The following CEP126 variants were observed in gnomAD, a reference collection of about 807,000 sequenced individuals.
The protein encoded by CEP126 is centrosomal protein 126.
Under a neutral mutation model 107.8 loss-of-function variants are expected in CEP126, and 74 were observed. The ratio of observed to expected loss-of-function variants is 0.69; its 90% CI spans 0.57 to 0.83. The LOEUF (loss-of-function observed/expected upper bound fraction) is 0.83. Ranked by LOEUF, CEP126 falls within the 40% of genes least tolerant of loss-of-function variation. The pLI is 0.00. For missense variants in CEP126, 1,237 were observed against 1,281.9 expected (o/e 0.96, Z 0.53); for synonymous variants, 449 against 446.0 (o/e 1.01, Z -0.08).
intron 6 of CEP126, among the ~76,000 whole-genome samples, chr11:101,975,814 A>C (rs1479163455): frequency 6.6e-6 from 1 of 152,026 alleles, no homozygotes; most frequent in Non-Finnish European, 1.5e-5. Flanking sequence ...TTTAGCTCCC[A>C]CTTATAAGTG....
intron 6 of CEP126, among the ~76,000 whole-genome samples, chr11:101,977,298 T>C (rs1246590915): frequency 6.6e-6 from 1 of 152,032 alleles, no homozygotes. Context: ...ATTATTTTGA[T>C]CTGTGATTTT....
chr11:101,957,099 C>A (rs1308456494), intron 4 of CEP126, among the ~76,000 whole-genome samples: 1 of 152,142 alleles, frequency 6.6e-6, no homozygotes, highest in Non-Finnish European at 1.5e-5. Context: ...TAAATACCTT[C>A]TTGCTCTCCC....
At chr11:101,946,667 C>T (rs1023100275) in intron 3 of CEP126, among the ~76,000 whole-genome samples, 5 of 152,002 alleles carry the variant, frequency 3.3e-5, no homozygotes, top group African/African-American at 1.2e-4. Flanking sequence ...CGAGACCAGC[C>T]TGGCCAACAT....
At chr11:101,979,877 A>G (rs1230463694) in intron 7 of CEP126, among the ~76,000 whole-genome samples, 1 of 152,250 alleles carries the variant, frequency 6.6e-6, no homozygotes, top group African/African-American at 2.4e-5. Flanking sequence ...TTAAAAGTCT[A>G]GATAGATAAG....
intron 9 of CEP126, among the ~76,000 whole-genome samples, chr11:101,992,162 AT>A (rs1846441388): frequency 1.6e-5 from 2 of 127,742 alleles, no homozygotes; most frequent in African/African-American, 5.7e-5. Flanking sequence ...TTAAAAAAAA[AT>A]AAAAAGCAGG....
chr11:101,976,152 G>A (rs868664450), intron 6 of CEP126, among the ~76,000 whole-genome samples: 2 of 152,104 alleles, frequency 1.3e-5, no homozygotes, highest in Non-Finnish European at 2.9e-5. Context: ...TTGAGAAATC[G>A]CCAAACTGCT....
intron 8 of CEP126, 40 bp from the exon 9 acceptor site, chr11:101,986,792 C>G (rs1329330973): frequency 4.0e-6 from 6 of 1,500,078 alleles, no homozygotes; most frequent in African/African-American, 1.4e-5. Context: ...ATCTCAAAGA[C>G]AAAAGGGGTT....
At chr11:101,957,086 T>A in intron 4 of CEP126, 1 of 256,696 alleles carries the variant, frequency 3.9e-6, no homozygotes, top group South Asian at 4.4e-5. Flanking sequence ...CAGGAACTTG[T>A]ATTAAATACC....
At chr11:101,989,939 G>T (rs1212842029) in intron 9 of CEP126, among the ~76,000 whole-genome samples, 1 of 151,392 alleles carries the variant, frequency 6.6e-6, no homozygotes. Flanking sequence ...CAGCCTGGGC[G>T]ACAGAGTGAG....
In CEP126 at chr11:101,981,907, C is replaced by T; in HGVS notation, c.2977C>T (p.Leu993=). The stretch of plus-strand genomic sequence containing the variant: ...TTTGTAGAATTTTGGACAAAGTGTC[C>T]TGCTAAGTTCAAGTGAGCCAAAACA... ...EQINNFGQSV[L]LSSSEPKQTT... The change falls in exon 8 of 11, where the codon CTG becomes TTG. Residue 993 remains leucine, a synonymous_variant. Coordinates refer to ENST00000263468, the MANE Select transcript of CEP126 (RefSeq NM_020802.4). 2 of 1,586,754 alleles carry T rather than the reference C, an allele frequency of 1.3e-6. No homozygotes were observed. The highest frequency in any genetic ancestry group is 1.1e-5 in the South Asian group (1 of 87,210).
chr11:101,958,595 TA>T (rs1316542446), intron 5 of CEP126, among the ~76,000 whole-genome samples: 1 of 152,176 alleles, frequency 6.6e-6, no homozygotes, highest in Non-Finnish European at 1.5e-5. Context: ...GATTGTATTA[TA>T]AAAAGCAACC....
chr11:101,942,343 C>G (rs1201727377), intron 2 of CEP126, among the ~76,000 whole-genome samples: 1 of 151,976 alleles, frequency 6.6e-6, no homozygotes, highest in Non-Finnish European at 1.5e-5. Flanking sequence ...TTTGCAGTAT[C>G]CAGATATCCA....
chr11:101,919,009 A>T (rs976157991), intron 1 of CEP126, among the ~76,000 whole-genome samples: 1 of 152,240 alleles, frequency 6.6e-6, no homozygotes, highest in African/African-American at 2.4e-5. Context: ...TTGAAAAAAC[A>T]AACTATATTA....
intron 9 of CEP126, among the ~76,000 whole-genome samples, chr11:101,991,675 C>T (rs1413776481): frequency 6.6e-6 from 1 of 152,074 alleles, no homozygotes; most frequent in Non-Finnish European, 1.5e-5. Flanking sequence ...CTCAAGACAC[C>T]ACTGAGGAAT....
At position 101,999,932 on chromosome 11, in the gene CEP126, C is replaced by G. The variant is rs977957694; in HGVS notation, c.*2289C>G. ...GCACGGTAGCTTATGCCTGTAATCT[C>G]AGCACTTTGGGAGGCCAAGGCAGGC... On this transcript the variant is annotated 3_prime_UTR_variant, in exon 11 of 11. Coordinates refer to ENST00000263468, the MANE Select transcript of CEP126 (RefSeq NM_020802.4). 6.6e-6 allele frequency: 1 copy of G among 152,360 alleles called. No homozygotes were observed. The highest frequency in any genetic ancestry group is 1.5e-5 in the Non-Finnish European group (1 of 68,250). The allele number at this position is 152,360 out of a possible 1,614,324, so 9.4% of individuals were successfully genotyped here. A position where few individuals can be genotyped will look rare whatever the true frequency, so the allele number is the denominator to read the frequency against.
At position 101,944,262 on chromosome 11, in the gene CEP126, T is replaced by TAG; in HGVS notation, c.249_250dup. ...TGTTGCCTACTTTGTGTTTTAAATA[T>TAG]AGAGCTTTTGAGGAGAAACGAAAAG... On this transcript the variant is annotated splice_region_variant and splice_polypyrimidine_tract_variant and intron_variant, in intron 2 of 10. Transcript: ENST00000263468. 6.4e-7 allele frequency: 1 copy of TAG among 1,573,608 alleles called. No homozygotes were observed. The highest frequency in any genetic ancestry group is 8.6e-7 in the Non-Finnish European group (1 of 1,167,142).
chr11:101,997,359 T>C (rs749007619), intron 10 of CEP126, among the ~76,000 whole-genome samples: 2 of 152,200 alleles, frequency 1.3e-5, no homozygotes, highest in Non-Finnish European at 2.9e-5. Flanking sequence ...TTTAATGATA[T>C]TGTAAAACTG....
Position 101,944,275 on chromosome 11 carries a change from G to A in CEP126, c.259G>A (p.Glu87Lys). The A allele has an allele frequency of 1.3e-6, 2 of 1,586,784 alleles. No homozygotes were observed. The highest frequency in any genetic ancestry group is 8.5e-7 in the Non-Finnish European group (1 of 1,171,346). The change falls in exon 3 of 11, where the codon GAG (glutamate) becomes AAG (lysine). Residue 87 changes from glutamate (E) to lysine (K), a missense_variant. By Grantham distance (56) the Glu-to-Lys change is moderately conservative. Transcript: ENST00000263468. ...GTGTTTTAAATATAGAGCTTTTGAG[G>A]AGAAACGAAAAGAACAGGAAGAAAA... ...ESNRRKKAFE[E>K]KRKEQEEKEH...
chr11:101,980,764 G>GA (rs1484805641), intron 7 of CEP126, among the ~76,000 whole-genome samples: 1 of 152,202 alleles, frequency 6.6e-6, no homozygotes, highest in African/African-American at 2.4e-5. Context: ...TCTATATGGA[G>GA]AAAATCTCAA....
Sources: allele counts gnomAD v4.1 joint callset (sites outside exome capture counted in the v4.1 genomes callset), GRCh38; gene constraint gnomAD v4.1.1; transcripts MANE v1.5; gene names NCBI Gene and HGNC (gene_info 2026-07-23, HGNC 2026-07-21).